MAD1L1: variants seen among roughly 807,000 people sequenced by gnomAD.
MAD1L1 encodes mitotic spindle assembly checkpoint protein MAD1.
Under a neutral mutation model 96.9 loss-of-function variants are expected in MAD1L1, and 95 were observed. The observed-to-expected ratio is 0.98, with a 90% CI of 0.83 to 1.16. MAD1L1 has a LOEUF of 1.16. Among genes scored for constraint, MAD1L1 ranks in the 50% most tolerant of loss-of-function variants. The pLI, the probability that MAD1L1 is intolerant of heterozygous loss-of-function variation, is 0.00. For synonymous variants in MAD1L1, 473 were observed against 396.6 expected (o/e 1.19, Z -2.29); for missense variants, 1,007 against 954.4 (o/e 1.06, Z -0.73).
Position 2,103,413 on chromosome 7 carries a change from G to A in MAD1L1, c.1074-34075C>T, listed in dbSNP as rs962281739. Among the ~76,000 whole-genome samples the A allele has an allele frequency of 1.3e-5, 2 of 152,158 alleles. No individual in the cohort carries two copies. The highest frequency in any genetic ancestry group is 2.4e-5 in the African/African-American group (1 of 41,440). On this transcript the variant is annotated intron_variant, in intron 11 of 18. Coordinates refer to ENST00000265854, the MANE Select transcript of MAD1L1 (RefSeq NM_001013836.2). The surrounding 1 kb of genome is among the most constrained non-coding windows in gnomAD (Gnocchi z 4.3). ...ATGCCTAGTGATGACGTTTCTGTTT[G>A]GAAGAAGTGGGTGAGCACCTGAGAG...
chr7:1,940,974 C>CCCTCCTCTTCCGCTCCCAGGCCTCAG (rs1778948758), intron 16 of MAD1L1, among the ~76,000 whole-genome samples: 1 of 114,150 alleles, frequency 8.8e-6, no homozygotes, highest in African/African-American at 3.6e-5. Flanking sequence ...GCAGGCCTCA[C>CCCTCCTCTTCCGCTCCCAGGCCTCAG]CCTCCTCTTC....
intron 10 of MAD1L1, among the ~76,000 whole-genome samples, chr7:2,202,388 G>A (rs1792360323): frequency 6.6e-6 from 1 of 152,190 alleles, no homozygotes; most frequent in African/African-American, 2.4e-5. Context: ...ACCTCTGGAG[G>A]GCAGCACACT....
At chr7:1,916,188 T>C (rs1788382404) in intron 17 of MAD1L1, among the ~76,000 whole-genome samples, 2 of 152,086 alleles carry the variant, frequency 1.3e-5, no homozygotes, top group Non-Finnish European at 1.5e-5. Context: ...ACGTGGGACA[T>C]GCAAACGGGT....
chr7:2,070,441 G>C (rs1237513045), intron 11 of MAD1L1, among the ~76,000 whole-genome samples: 3 of 152,210 alleles, frequency 2.0e-5, no homozygotes, highest in Non-Finnish European at 4.4e-5. Context: ...GGAGAGATGA[G>C]AGGCCGCCCG....
chr7:1,987,071 C>G (rs375618095), intron 14 of MAD1L1, among the ~76,000 whole-genome samples: 1 of 152,170 alleles, frequency 6.6e-6, no homozygotes, highest in African/African-American at 2.4e-5. Context: ...CTACACCCCC[C>G]GCTCCCATCC....
intron 14 of MAD1L1, among the ~76,000 whole-genome samples, chr7:1,988,369 A>G (rs1016664196): frequency 2.0e-5 from 3 of 152,130 alleles, no homozygotes; most frequent in Non-Finnish European, 1.5e-5. Context: ...CATCCCCACC[A>G]CAGGGACCTG....
chr7:2,124,693 G>A (rs1788147428), intron 11 of MAD1L1, among the ~76,000 whole-genome samples: 1 of 152,166 alleles, frequency 6.6e-6, no homozygotes, highest in African/African-American at 2.4e-5. Context: ...CACACACCCC[G>A]GGAGGGCCAG....
intron 18 of MAD1L1, among the ~76,000 whole-genome samples, chr7:1,857,321 G>A (rs777027149): frequency 1.1e-4 from 17 of 152,142 alleles, no homozygotes; most frequent in South Asian, 2.1e-4. Context: ...CCTGAAACCC[G>A]CCTTTGCTGT....
intron 18 of MAD1L1, among the ~76,000 whole-genome samples, chr7:1,834,859 C>A (rs4463319): frequency 6.7e-6 from 1 of 149,344 alleles, no homozygotes; most frequent in Non-Finnish European, 1.5e-5. Context: ...ACAAGCCGCA[C>A]CCCCCCAAAA....
At chr7:2,048,863 C>T (rs553152278) in intron 12 of MAD1L1, among the ~76,000 whole-genome samples, 4 of 152,304 alleles carry the variant, frequency 2.6e-5, no homozygotes, top group East Asian at 1.9e-4. Flanking sequence ...CTTCTCGAGG[C>T]GAAGAGCTGT....
At chr7:1,897,739 C>A (rs889596883) in intron 18 of MAD1L1, among the ~76,000 whole-genome samples, 2 of 152,100 alleles carry the variant, frequency 1.3e-5, no homozygotes, top group East Asian at 1.9e-4. Context: ...CTCCTTTCCT[C>A]TTCTAGTCTG....
intron 12 of MAD1L1, among the ~76,000 whole-genome samples, chr7:2,059,058 A>G (rs1272797557): frequency 2.1e-4 from 7 of 33,402 alleles, no homozygotes; most frequent in East Asian, 1.1e-3. Context: ...CAGAGGAGAG[A>G]AGCAGGGCTG....
intron 11 of MAD1L1, among the ~76,000 whole-genome samples, chr7:2,128,138 A>G (rs938563315): frequency 2.0e-5 from 3 of 152,132 alleles, no homozygotes; most frequent in African/African-American, 7.2e-5. Context: ...GCCCTCCCAG[A>G]TTATTTCTAA....
intron 10 of MAD1L1, among the ~76,000 whole-genome samples, chr7:2,169,394 G>A (rs961691562): frequency 1.3e-5 from 2 of 152,156 alleles, no homozygotes; most frequent in South Asian, 4.1e-4. Flanking sequence ...AAGTTCTATA[G>A]CCACCTTGCT....
chr7:2,230,112 T>C lies in MAD1L1; in HGVS notation c.22A>G (p.Thr8Ala). The C allele has an allele frequency of 6.2e-7, 1 of 1,602,034 alleles. No individual in the cohort carries two copies. The highest frequency in any genetic ancestry group is 8.5e-7 in the Non-Finnish European group (1 of 1,174,174). ...GATCTCAGGGTGGATAAAACCATGG[T>C]GTTTTCCCCCAGGTCTTCCATGGTT... is the stretch of plus-strand genomic sequence containing the variant. Reference protein sequence around the residue: MEDLGENTMVLSTLRSLN... With the variant: MEDLGENAMVLSTLRSLN... The change falls in exon 3 of 19, where the codon ACC (threonine) becomes GCC (alanine). Residue 8 changes from threonine to alanine, a missense_variant. Physicochemically the swap from Thr to Ala is moderately conservative, Grantham distance 58. Transcript: ENST00000265854.
chr7:1,935,833 G>A (rs1196307021), intron 17 of MAD1L1, among the ~76,000 whole-genome samples: 1 of 152,246 alleles, frequency 6.6e-6, no homozygotes. Flanking sequence ...TGAGCCTGCA[G>A]ACACCCCCAA....
chr7:2,056,069 C>T (rs1055691235), intron 12 of MAD1L1, among the ~76,000 whole-genome samples: 1 of 152,246 alleles, frequency 6.6e-6, no homozygotes, highest in African/African-American at 2.4e-5. Flanking sequence ...TCTTAAGCCT[C>T]GACTTGCTGG....
chr7:2,129,094 C>T (rs1026986332), intron 11 of MAD1L1, among the ~76,000 whole-genome samples: 3 of 152,146 alleles, frequency 2.0e-5, no homozygotes, highest in African/African-American at 7.2e-5. Context: ...GCTCTCTGAT[C>T]GGAAATTCCT....
chr7:2,144,541 G>C (rs1361323671), intron 11 of MAD1L1, among the ~76,000 whole-genome samples: 2 of 152,152 alleles, frequency 1.3e-5, no homozygotes, highest in African/African-American at 4.8e-5. Flanking sequence ...TTCCCCCCCA[G>C]ATCTGAAAGA....
Sources: allele counts gnomAD v4.1 joint callset (sites outside exome capture counted in the v4.1 genomes callset), GRCh38; gene constraint gnomAD v4.1.1; non-coding constraint Gnocchi (gnomAD v3.1); transcripts MANE v1.5; gene names NCBI Gene and HGNC (gene_info 2026-07-23, HGNC 2026-07-21).